Variants in ENOX1 observed in about 807,000 individuals in gnomAD.
ENOX1 encodes candidate growth-related and time keeping constitutive hydroquinone (NADH) oxidase.
ENOX1 carries 42 observed loss-of-function variants against 82.5 expected under a neutral mutation model. The observed-to-expected ratio is 0.51, with a 90% CI of 0.40 to 0.66. ENOX1 has a LOEUF of 0.66. Ranked by LOEUF, ENOX1 falls within the 30% of genes least tolerant of loss-of-function variation. The probability of loss-of-function intolerance (pLI) is 0.00; values close to 1 mark genes in which losing one functional copy is unlikely to be tolerated. For synonymous variants in ENOX1, 271 were observed against 282.2 expected, an observed-to-expected ratio of 0.96 and a Z score of 0.40; for missense variants, 608 against 811.6, an observed-to-expected ratio of 0.75 and a Z score of 3.05.
At position 43,786,147 on chromosome 13, in the gene ENOX1, A is replaced by T. The variant is rs2153860969; in HGVS notation, c.-285+505T>A. On this transcript the variant is annotated intron_variant, in intron 1 of 16. Transcript: ENST00000690772. This position sits in a 1 kb window ranked among gnomAD's most constrained non-coding sequence, Gnocchi z 6.0. ...GCGGGGAGGAAAGTTTCCGGCCCGC[A>T]GCAGAGCGGAGTCCGCCAAGGCTGG... Among the ~76,000 whole-genome samples, 1 of 152,324 alleles carries T rather than the reference A, an allele frequency of 6.6e-6. No individual in the cohort carries two copies. Among genetic ancestry groups the T allele is most frequent in the Middle Eastern group, 3.4e-3 (1 of 294 alleles).
intron 1 of ENOX1, among the ~76,000 whole-genome samples, chr13:43,745,799 G>A (rs1473320037): frequency 1.3e-5 from 2 of 152,120 alleles, no homozygotes; most frequent in Non-Finnish European, 2.9e-5. Context: ...TCTTGTGATA[G>A]TGAGTTCTCA....
intron 1 of ENOX1, among the ~76,000 whole-genome samples, chr13:43,688,038 C>A (rs1040805716): frequency 1.3e-5 from 2 of 152,028 alleles, no homozygotes; most frequent in African/African-American, 4.8e-5. Context: ...AGTGAGAAGG[C>A]AAACTCAGGC....
chr13:43,591,000 C>T (rs2081224000), intron 2 of ENOX1, among the ~76,000 whole-genome samples: 1 of 152,008 alleles, frequency 6.6e-6, no homozygotes, highest in Admixed American at 6.5e-5. Flanking sequence ...GTTGTGGTTT[C>T]CAAATGTTGA....
intron 11 of ENOX1, among the ~76,000 whole-genome samples, chr13:43,313,849 G>A (rs1284472817): frequency 1.3e-5 from 2 of 152,096 alleles, no homozygotes; most frequent in Non-Finnish European, 2.9e-5. Context: ...ATACCCTAGT[G>A]TTCAATGTTT....
At chr13:43,359,610 T>C in intron 7 of ENOX1, 1 of 522,036 alleles carries the variant, frequency 1.9e-6, no homozygotes, top group Admixed American at 3.2e-5. Context: ...CTTGAGAACA[T>C]TAATTAGAAA....
chr13:43,616,698 T>C (rs2082495484), intron 2 of ENOX1, among the ~76,000 whole-genome samples: 2 of 152,190 alleles, frequency 1.3e-5, no homozygotes, highest in Admixed American at 6.5e-5. Context: ...TTTAACATGA[T>C]TAAATTTAAC....
At chr13:43,280,826 T>C (rs1294593833) in intron 12 of ENOX1, among the ~76,000 whole-genome samples, 3 of 152,222 alleles carry the variant, frequency 2.0e-5, no homozygotes, top group African/African-American at 4.8e-5. Flanking sequence ...AGAATAGCTC[T>C]GAACTTAGCA....
intron 3 of ENOX1, among the ~76,000 whole-genome samples, chr13:43,472,199 TA>T (rs757834398): frequency 3.9e-5 from 6 of 152,170 alleles, no homozygotes; most frequent in Non-Finnish European, 7.3e-5. Flanking sequence ...GTTCCTGGTA[TA>T]AATAAGCACT....
At chr13:43,321,248 G>T (rs533117674) in intron 11 of ENOX1, 1 of 424,366 alleles carries the variant, frequency 2.4e-6, no homozygotes, top group African/African-American at 2.0e-5. Flanking sequence ...GCCACTAGAC[G>T]TTTTTGATTC....
At chr13:43,280,489 G>A (rs2045314671) in intron 12 of ENOX1, among the ~76,000 whole-genome samples, 1 of 152,192 alleles carries the variant, frequency 6.6e-6, no homozygotes, top group Admixed American at 6.5e-5. Flanking sequence ...TAATCATTAT[G>A]GAATAAGAAT....
At chr13:43,226,270 CTTT>C (rs1438659417) in intron 15 of ENOX1, among the ~76,000 whole-genome samples, 5 of 152,068 alleles carry the variant, frequency 3.3e-5, no homozygotes, top group Non-Finnish European at 7.4e-5. Flanking sequence ...TTTGCATTTC[CTTT>C]TTTGTTTTAC....
intron 1 of ENOX1, among the ~76,000 whole-genome samples, chr13:43,780,942 G>A (rs1952221632): frequency 6.6e-6 from 1 of 152,154 alleles, no homozygotes; most frequent in Non-Finnish European, 1.5e-5. Context: ...TAATTACATT[G>A]GGGCCAGCAA....
At chr13:43,696,562 G>A (rs866950745) in intron 1 of ENOX1, among the ~76,000 whole-genome samples, 11 of 152,188 alleles carry the variant, frequency 7.2e-5, no homozygotes, top group South Asian at 2.1e-4. Flanking sequence ...GAGCTTGGGA[G>A]CCACAGAATG....
At chr13:43,328,114 T>C (rs746169665) in intron 9 of ENOX1, among the ~76,000 whole-genome samples, 1 of 152,204 alleles carries the variant, frequency 6.6e-6, no homozygotes, top group Non-Finnish European at 1.5e-5. Context: ...CTGGAAGAAC[T>C]AAACTCCAGA....
At chr13:43,625,166 T>C (rs1395565205) in intron 2 of ENOX1, among the ~76,000 whole-genome samples, 3 of 152,066 alleles carry the variant, frequency 2.0e-5, no homozygotes, top group Non-Finnish European at 4.4e-5. Context: ...TCTGTGTCAA[T>C]GTGTTCATTG....
At chr13:43,579,349 A>G (rs1435101123) in intron 2 of ENOX1, among the ~76,000 whole-genome samples, 1 of 152,210 alleles carries the variant, frequency 6.6e-6, no homozygotes, top group Non-Finnish European at 1.5e-5. Context: ...AAGAAGATTT[A>G]TGTATCAGAA....
intron 1 of ENOX1, among the ~76,000 whole-genome samples, chr13:43,675,470 A>G (rs1180504408): frequency 1.3e-5 from 2 of 152,222 alleles, no homozygotes; most frequent in Non-Finnish European, 2.9e-5. Context: ...TCTCTGCCTT[A>G]GCATGAATAG....
At chr13:43,498,221 T>C (rs1325614627) in intron 2 of ENOX1, among the ~76,000 whole-genome samples, 1 of 152,094 alleles carries the variant, frequency 6.6e-6, no homozygotes, top group Non-Finnish European at 1.5e-5. Flanking sequence ...TATAGTGTCC[T>C]CAGAGGCGGA....
At chr13:43,358,024 TCTC>T (rs1270629388) in intron 7 of ENOX1, among the ~76,000 whole-genome samples, 5 of 152,058 alleles carry the variant, frequency 3.3e-5, no homozygotes, top group Admixed American at 3.3e-4. Context: ...CTAGCTGTCT[TCTC>T]CTCCTACAGT....
Sources: allele counts gnomAD v4.1 joint callset (sites outside exome capture counted in the v4.1 genomes callset), GRCh38; gene constraint gnomAD v4.1.1; non-coding constraint Gnocchi (gnomAD v3.1); transcripts MANE v1.5; gene names NCBI Gene and HGNC (gene_info 2026-07-23, HGNC 2026-07-21).